Variants in WDR20 observed in about 807,000 individuals in gnomAD.
WDR20 encodes WD repeat-containing protein 20.
Under a neutral mutation model 38.7 loss-of-function variants are expected in WDR20, and 3 were observed. The observed-to-expected ratio is 0.08, with a 90% CI of 0.04 to 0.20. WDR20 has a LOEUF of 0.20. Among genes scored for constraint, WDR20 ranks in the 10% least tolerant of loss-of-function variants. The pLI, the probability that WDR20 is intolerant of heterozygous loss-of-function variation, is 1.00. For missense variants in WDR20, 559 were observed against 727.7 expected, an observed-to-expected ratio of 0.77 and a Z score of 2.67; for synonymous variants, 298 against 285.6, an observed-to-expected ratio of 1.04 and a Z score of -0.44.
chr14:102,212,236 G>T (rs575348316), downstream of WDR20, among the ~76,000 whole-genome samples: 34 of 152,296 alleles, frequency 2.2e-4, no homozygotes, highest in African/African-American at 7.9e-4. Context: ...TGGATTTGAG[G>T]CTTGATAACA....
chr14:102,212,456 C>T (rs2062667798), downstream of WDR20: 1 of 1,522,502 alleles, frequency 6.6e-7, no homozygotes, highest in African/African-American at 1.4e-5. Context: ...TGGCCCAGGC[C>T]CTGCAGGGCG....
chr14:102,179,958 G>T (rs1226397478), intron 1 of WDR20, among the ~76,000 whole-genome samples: 1 of 152,132 alleles, frequency 6.6e-6, no homozygotes, highest in Non-Finnish European at 1.5e-5. Context: ...TTCAAGACCA[G>T]CCTGACCAAC....
At chr14:102,211,581 G>A (rs1419202137), downstream of WDR20, among the ~76,000 whole-genome samples, 2 of 152,208 alleles carry the variant, frequency 1.3e-5, no homozygotes, top group Non-Finnish European at 2.9e-5. This position sits in a 1 kb window ranked among gnomAD's most constrained non-coding sequence, Gnocchi z 4.2. Flanking sequence ...ACATCCCTGA[G>A]CACTGCTCCT....
At chr14:102,204,198 C>A (rs553470086) in intron 2 of WDR20, among the ~76,000 whole-genome samples, 1 of 152,240 alleles carries the variant, frequency 6.6e-6, no homozygotes, top group South Asian at 2.1e-4. Context: ...TCCCCTGGCA[C>A]TGGTTCGGCT....
Position 102,193,922 on chromosome 14 carries a change from A to T in WDR20, c.250-1016A>T, listed in dbSNP as rs74742968. ...TGGGTTTCCCTTATTTCACCAATAA[A>T]AGCCCAGCATATTGGGATGCCACAG... On this transcript the variant is annotated intron_variant, in intron 1 of 2. Transcript: ENST00000342702. 3.9e-3 allele frequency among the ~76,000 whole-genome samples: 587 copies of T among 152,326 alleles called. 9 individuals carry two copies. In the East Asian group the frequency reaches 0.049, roughly 13 times the overall value.
intron 1 of WDR20, among the ~76,000 whole-genome samples, chr14:102,162,878 C>G (rs910832718): frequency 1.4e-4 from 21 of 152,292 alleles, no homozygotes; most frequent in Admixed American, 2.0e-4. Context: ...TCCCAAAGTG[C>G]TGGGATTACA....
chr14:102,170,296 T>G (rs1272144551), intron 1 of WDR20, among the ~76,000 whole-genome samples: 1 of 152,234 alleles, frequency 6.6e-6, no homozygotes, highest in Non-Finnish European at 1.5e-5. Flanking sequence ...TAAATCACTT[T>G]GTACATACAT....
intron 1 of WDR20, among the ~76,000 whole-genome samples, chr14:102,146,591 C>T (rs187042229): frequency 3.3e-5 from 5 of 152,218 alleles, no homozygotes; most frequent in Non-Finnish European, 5.9e-5. Context: ...AGAGAATGAG[C>T]GTTCTGTTAT....
At chr14:102,161,514 A>G (rs1420506773) in intron 1 of WDR20, among the ~76,000 whole-genome samples, 1 of 151,968 alleles carries the variant, frequency 6.6e-6, no homozygotes, top group Non-Finnish European at 1.5e-5. Context: ...GGGTTTCGCC[A>G]TATTGCCCAT....
chr14:102,170,409 G>A (rs116842146), intron 1 of WDR20, among the ~76,000 whole-genome samples: 1,962 of 152,196 alleles, frequency 0.013, 19 homozygotes, highest in Middle Eastern at 0.041. Context: ...TAGTCAAATC[G>A]CCTTCTAAAA....
intron 1 of WDR20, chr14:102,167,813 G>C (rs1488534162): frequency 6.6e-6 from 1 of 152,154 alleles, no homozygotes; most frequent in Non-Finnish European, 1.5e-5. Context: ...TTATCTGATT[G>C]ATTGCTGAAC....
In WDR20 at chr14:102,221,449, G is replaced by A. The variant is rs1176272863; in HGVS notation, c.1693-1381G>A. Among the ~76,000 whole-genome samples the A allele has an allele frequency of 1.3e-5, 2 of 152,218 alleles. No homozygotes were observed. Among genetic ancestry groups the A allele is most frequent in the Non-Finnish European group, 2.9e-5 (2 of 68,044 alleles). On this transcript the variant is annotated intron_variant, in intron 3 of 3. Coordinates refer to the WDR20 transcript ENST00000335263. This position sits in a 1 kb window ranked among gnomAD's most constrained non-coding sequence, Gnocchi z 4.8. ...ACTGTCTGCGGCAGAAGTGGGGTCA[G>A]GAACCTGCTGCCCAGCTTTCCTCCA... is the stretch of plus-strand genomic sequence containing the variant.
chr14:102,161,142 A>ATATATATATATATTTTT, intron 1 of WDR20, among the ~76,000 whole-genome samples: 1 of 16,050 alleles, frequency 6.2e-5, no homozygotes, highest in African/African-American at 3.2e-4. Flanking sequence ...ATATATATAT[A>ATATATATATATATTTTT]TTTTTTTTTT....
intron 1 of WDR20, among the ~76,000 whole-genome samples, chr14:102,147,256 A>G (rs1272662355): frequency 1.3e-5 from 2 of 152,214 alleles, no homozygotes; most frequent in East Asian, 1.9e-4. Context: ...TTAGCCAAGT[A>G]TGGTGGCGCA....
At chr14:102,152,603 CG>C (rs770480157) in intron 1 of WDR20, among the ~76,000 whole-genome samples, 5 of 152,028 alleles carry the variant, frequency 3.3e-5, no homozygotes, top group Middle Eastern at 6.8e-3. Flanking sequence ...TTACTACAGA[CG>C]GGGTTTCACC....
In WDR20 at chr14:102,139,959, G is replaced by C; in HGVS notation, c.36G>C (p.Glu12Asp). ...ATEGGGKEMN[E>D]IKTQFTTREG... ...AGGGAGGAGGGAAGGAGATGAACGAGATTAAGACCCAATTCACCACCCGGG... is the reference window on the plus strand; with the variant it reads ...AGGGAGGAGGGAAGGAGATGAACGACATTAAGACCCAATTCACCACCCGGG... Residue 12 changes from glutamate (E) to aspartate (D), a missense_variant, in exon 1 of 3, where the codon GAG becomes GAC. Glu to Asp is a conservative substitution (Grantham distance 45). Transcript: ENST00000342702. The C allele has an allele frequency of 1.9e-6, 3 of 1,614,216 alleles. No homozygotes were observed. Among genetic ancestry groups the C allele is most frequent in the East Asian group, 2.2e-5 (1 of 44,888 alleles).
At chr14:102,187,257 A>C (rs560388454) in intron 1 of WDR20, among the ~76,000 whole-genome samples, 1 of 152,362 alleles carries the variant, frequency 6.6e-6, no homozygotes, top group African/African-American at 2.4e-5. Flanking sequence ...TCAGGCTGTC[A>C]GTGACTCAGC....
chr14:102,175,463 T>C (rs758125094), intron 1 of WDR20, among the ~76,000 whole-genome samples: 1 of 152,234 alleles, frequency 6.6e-6, no homozygotes, highest in Non-Finnish European at 1.5e-5. Context: ...CCATATAGTA[T>C]AGTGTGAAGC....
intron 1 of WDR20, among the ~76,000 whole-genome samples, chr14:102,165,606 C>G (rs938761998): frequency 2.7e-5 from 4 of 149,844 alleles, no homozygotes; most frequent in African/African-American, 7.3e-5. Context: ...ATGTCAAGAC[C>G]TAATTTTTTG....
Sources: gnomAD v4.1 joint callset for allele counts (sites outside exome capture counted in the v4.1 genomes callset) on GRCh38, gnomAD v4.1.1 for gene constraint, Gnocchi (gnomAD v3.1) non-coding constraint, MANE v1.5 for transcripts, NCBI Gene and HGNC (gene_info 2026-07-23, HGNC 2026-07-21) for gene names.